Variants in BRSK2 observed in about 807,000 individuals in gnomAD.
The protein encoded by BRSK2 is serine/threonine-protein kinase BRSK2.
A neutral mutation model predicts 83.3 loss-of-function variants in BRSK2; 19 were observed. That is an observed-to-expected ratio of 0.23 (90% CI 0.16 to 0.33). BRSK2 has a LOEUF of 0.33. BRSK2 is among the 10% of genes least tolerant of loss of function. The pLI, the probability that BRSK2 is intolerant of heterozygous loss-of-function variation, is 1.00. For missense variants in BRSK2, 798 were observed against 1,042.3 expected (o/e 0.77, Z 3.23); for synonymous variants, 519 against 435.4 (o/e 1.19, Z -2.39).
intron 1 of BRSK2, among the ~76,000 whole-genome samples, chr11:1,419,050 C>T (rs1020909144): frequency 1.3e-5 from 2 of 152,182 alleles, no homozygotes; most frequent in South Asian, 4.1e-4. Flanking sequence ...GTTACAGGTG[C>T]GTGTCAGGCG....
chr11:1,457,145 A>G (rs1385574564), intron 18 of BRSK2: 3 of 1,150,142 alleles, frequency 2.6e-6, no homozygotes, highest in African/African-American at 3.1e-5. Flanking sequence ...ATGCCCACCC[A>G]CAGGTCTCGG....
intron 1 of BRSK2, chr11:1,410,609 C>T (rs1847372129): frequency 1.0e-6 from 1 of 985,428 alleles, no homozygotes; most frequent in African/African-American, 1.7e-5. Flanking sequence ...GCTCCGAGTG[C>T]AGGGCTCACA....
In BRSK2 at chr11:1,461,397, C is replaced by T. The variant is rs111727800; in HGVS notation, c.*674C>T. 7.5e-3 allele frequency: 1,996 copies of T among 267,122 alleles called. 11 individuals are homozygous for T. The highest frequency in any genetic ancestry group is 0.01 in the Non-Finnish European group (1,410 of 140,396). 16.5% of individuals were successfully genotyped at this position (267,122 alleles called of 1,614,324 possible). A position where few individuals can be genotyped will look rare whatever the true frequency, so the allele number is the denominator to read the frequency against. On this transcript the variant is annotated 3_prime_UTR_variant, in exon 20 of 20. Transcript: ENST00000528841. ...TTGGCCTCCTCAGGCTGCCTCCCGT[C>T]CTCTCGTCTCACCCGCGCCTCCCTT...
In BRSK2 at chr11:1,458,629, G is replaced by A. The variant is rs142420866; in HGVS notation, c.1940-563G>A. ...TGAGCAGGCACAGGCAGACCAGGGC[G>A]TGTGTCCACCCTGTGCAGGCGCCAG... On this transcript the variant is annotated intron_variant, in intron 18 of 19. Transcript: ENST00000528841. Among the ~76,000 whole-genome samples, 513 of 152,304 alleles carry A rather than the reference G, an allele frequency of 3.4e-3. 1 individual carries two copies. The highest frequency in any genetic ancestry group is 6.8e-3 in the Middle Eastern group (2 of 294).
intron 1 of BRSK2, among the ~76,000 whole-genome samples, chr11:1,421,202 A>T (rs1385228378): frequency 6.6e-6 from 1 of 152,060 alleles, no homozygotes; most frequent in African/African-American, 2.4e-5. Context: ...CTCTCATTTA[A>T]TCTTCACCCC....
chr11:1,447,559 G>A lies in BRSK2; in HGVS notation c.1226+1652G>A, dbSNP rs548303791. Among the ~76,000 whole-genome samples, 14 of 152,330 alleles carry A rather than the reference G, an allele frequency of 9.2e-5. No individual in the cohort carries two copies. In the South Asian group the frequency reaches 2.5e-3, roughly 27 times the overall value. On this transcript the variant is annotated intron_variant, in intron 12 of 19. Coordinates refer to ENST00000528841, the MANE Select transcript of BRSK2 (RefSeq NM_001256627.2). ...AGCTGCTTGGTGTTGGGCCACACAG[G>A]GCTGCTGACTGGGGACGCAGGGGTC...
At chr11:1,415,251 C>T (rs1464640271) in intron 1 of BRSK2, among the ~76,000 whole-genome samples, 15 of 151,964 alleles carry the variant, frequency 9.9e-5, no homozygotes, top group African/African-American at 3.6e-4. Context: ...CTCACCACCA[C>T]GCCTGGCTAA....
In BRSK2 at chr11:1,451,358, C is replaced by T. The variant is rs779437637; in HGVS notation, c.1496-13C>T. On this transcript the variant is annotated splice_polypyrimidine_tract_variant and intron_variant, in intron 14 of 19. Coordinates refer to ENST00000528841, the MANE Select transcript of BRSK2 (RefSeq NM_001256627.2). ...TCACCACGCCTTTCCTCCTGTTCATCCTGTGTGCACAGTTCCGACGCCGGA... is the reference window on the plus strand; with the variant it reads ...TCACCACGCCTTTCCTCCTGTTCATTCTGTGTGCACAGTTCCGACGCCGGA... The T allele has an allele frequency of 6.2e-7, 1 of 1,612,922 alleles. No individual in the cohort carries two copies. Among genetic ancestry groups the T allele is most frequent in the Non-Finnish European group, 8.5e-7 (1 of 1,179,846 alleles).
At chr11:1,433,786 C>T (rs770194504) in intron 1 of BRSK2, among the ~76,000 whole-genome samples, 11 of 152,256 alleles carry the variant, frequency 7.2e-5, no homozygotes, top group Non-Finnish European at 1.5e-4. Flanking sequence ...AGAAGCAGCT[C>T]TTCCTCCATG....
At chr11:1,395,614 C>T (rs1236872532) in intron 1 of BRSK2, among the ~76,000 whole-genome samples, 1 of 152,208 alleles carries the variant, frequency 6.6e-6, no homozygotes, top group East Asian at 1.9e-4. Context: ...CCCACTGTGG[C>T]CCTGGGCACC....
chr11:1,443,250 C>T (rs541256399), intron 6 of BRSK2, 85 bp from the exon 7 acceptor site: 53 of 1,522,002 alleles, frequency 3.5e-5, no homozygotes, highest in Admixed American at 1.2e-4. Context: ...TGCCTGTCCC[C>T]GGGCCGACTC....
At chr11:1,412,865 C>T (rs1469187653) in intron 1 of BRSK2, among the ~76,000 whole-genome samples, 3 of 149,572 alleles carry the variant, frequency 2.0e-5, no homozygotes, top group East Asian at 1.9e-4. Context: ...GTCCCAGGCC[C>T]GTCGGGTCTC....
At chr11:1,417,576 C>T (rs1195592732) in intron 1 of BRSK2, among the ~76,000 whole-genome samples, 2 of 134,990 alleles carry the variant, frequency 1.5e-5, no homozygotes, top group Non-Finnish European at 3.1e-5. Flanking sequence ...GTGGGTCACA[C>T]TGTGTCCTGC....
chr11:1,417,028 A>G (rs930908084), intron 1 of BRSK2, among the ~76,000 whole-genome samples: 10 of 152,082 alleles, frequency 6.6e-5, no homozygotes, highest in Non-Finnish European at 1.0e-4. Flanking sequence ...GTGTAGTGGC[A>G]GGCACCTGTA....
chr11:1,435,125 C>T (rs1850109218), intron 1 of BRSK2, among the ~76,000 whole-genome samples: 1 of 150,988 alleles, frequency 6.6e-6, no homozygotes, highest in Non-Finnish European at 1.5e-5. Flanking sequence ...TAGGGCAGTG[C>T]TGCCTGGGGA....
In BRSK2 at chr11:1,398,558, G is replaced by A. The variant is rs376044785; in HGVS notation, c.91+8183G>A. On this transcript the variant is annotated intron_variant, in intron 1 of 19. Coordinates refer to ENST00000528841, the MANE Select transcript of BRSK2 (RefSeq NM_001256627.2). ...GGGTGGCCAGATGGGGGCTCATTCAGCTGCCCCCTGTGCAGCCCCTTGGTG... is the reference window on the plus strand; with the variant it reads ...GGGTGGCCAGATGGGGGCTCATTCAACTGCCCCCTGTGCAGCCCCTTGGTG... Among the ~76,000 whole-genome samples the A allele has an allele frequency of 5.1e-4, 78 of 152,304 alleles. 1 individual carries two copies. In the East Asian group the frequency reaches 0.014, roughly 27 times the overall value.
chr11:1,454,617 A>G lies in BRSK2; in HGVS notation c.1668+9A>G. 1 of 1,612,436 alleles carries G rather than the reference A, an allele frequency of 6.2e-7. No homozygotes were observed. The highest frequency in any genetic ancestry group is 8.5e-7 in the Non-Finnish European group (1 of 1,179,784). On this transcript the variant is annotated intron_variant, in intron 16 of 19. Transcript: ENST00000528841. The surrounding 1 kb of genome is among the most constrained non-coding windows in gnomAD (Gnocchi z 5.2). ...TGCACGCCTTCCTGTCGGTGAGGCCACAGGGCGCTGGGGGAGGCGGGCAGC... is the reference window on the plus strand; with the variant it reads ...TGCACGCCTTCCTGTCGGTGAGGCCGCAGGGCGCTGGGGGAGGCGGGCAGC...
intron 1 of BRSK2, among the ~76,000 whole-genome samples, chr11:1,415,847 G>A (rs1848045032): frequency 6.6e-6 from 1 of 152,268 alleles, no homozygotes; most frequent in Non-Finnish European, 1.5e-5. Flanking sequence ...CTCCACCACG[G>A]CCTCCTCGGC....
intron 1 of BRSK2, among the ~76,000 whole-genome samples, chr11:1,415,774 GTCCCAGCAGAGGACT>G (rs1848035691): frequency 3.7e-5 from 3 of 81,544 alleles, no homozygotes; most frequent in South Asian, 5.9e-4. Context: ...CCACACGGTG[GTCCCAGCAGAGGACT>G]TGGTCCCAGC....
Sources: allele counts gnomAD v4.1 joint callset (sites outside exome capture counted in the v4.1 genomes callset), GRCh38; gene constraint gnomAD v4.1.1; non-coding constraint Gnocchi (gnomAD v3.1); transcripts MANE v1.5; gene names NCBI Gene and HGNC (gene_info 2026-07-23, HGNC 2026-07-21).